The following OR51G1 variants were observed in gnomAD, a reference collection of about 807,000 sequenced individuals.
OR51G1 encodes olfactory receptor 51G1.
For missense variants in OR51G1, 454 were observed against 396.0 expected, an observed-to-expected ratio of 1.15 and a Z score of -1.24; for synonymous variants, 163 against 156.9, an observed-to-expected ratio of 1.04 and a Z score of -0.29.
chr11:4,923,476 A>G lies in OR51G1; in HGVS notation c.864T>C (p.Leu288=), dbSNP rs901603615. The stretch of plus-strand genomic sequence containing the variant: ...TGATGCTGTAGATGATGGGGTTCAT[A>G]AGGGGTGGTACCAGCAGATACACAT... ...MSYVYLLVPP[L]MNPIIYSIKT... is the part of the protein sequence containing the mutation. The change falls in exon 1 of 1, where the codon CTT becomes CTC. Residue 288 remains leucine (L), a synonymous_variant. Coordinates refer to ENST00000623849, the MANE Select transcript of OR51G1 (RefSeq NM_001005237.1). 9 of 1,613,772 alleles carry G rather than the reference A, an allele frequency of 5.6e-6. No individual in the cohort carries two copies. The highest frequency in any genetic ancestry group is 7.6e-6 in the Non-Finnish European group (9 of 1,179,792).
Position 4,924,299 on chromosome 11 carries a change from A to T in OR51G1, c.41T>A (p.Phe14Tyr), listed in dbSNP as rs1244824105. The change falls in exon 1 of 1, where the codon TTC (phenylalanine) becomes TAC (tyrosine). Residue 14 changes from phenylalanine to tyrosine, a missense_variant. By Grantham distance (22) the Phe-to-Tyr change is conservative. Coordinates refer to ENST00000623849, the MANE Select transcript of OR51G1 (RefSeq NM_001005237.1). The part of the protein sequence containing the change: ...LLNSSLQRAT[F>Y]FLTGFQGLEG... ...TAGACCTTGGAAGCCCGTCAGGAAG[A>T]AAGTGGCTCTTTGGAGGCTGCTATT... 1 of 1,613,066 alleles carries T rather than the reference A, an allele frequency of 6.2e-7. No individual in the cohort carries two copies.
Position 4,923,740 on chromosome 11 carries a change from A to G in OR51G1, c.600T>C (p.Tyr200=). The stretch of plus-strand genomic sequence containing the variant: ...CGGTGCAGGCCACAACAAAGAGCCC[A>G]TAGATGTGATTGACAATGATGCTAG... The part of the protein sequence containing the change: ...ACSSIIVNHI[Y]GLFVVACTVG... The change falls in exon 1 of 1, where the codon TAT becomes TAC. Residue 200 remains tyrosine, a synonymous_variant. Coordinates refer to ENST00000623849, the MANE Select transcript of OR51G1 (RefSeq NM_001005237.1). 1.9e-6 allele frequency: 3 copies of G among 1,614,100 alleles called. No individual in the cohort carries two copies. Among genetic ancestry groups the G allele is most frequent in the African/African-American group, 1.3e-5 (1 of 75,046 alleles).
chr11:4,923,775 G>T lies in OR51G1; in HGVS notation c.565C>A (p.Leu189Met), dbSNP rs546668814. The change falls in exon 1 of 1, where the codon CTG becomes ATG. Residue 189 changes from leucine (L) to methionine (M), a missense_variant. Transcript: ENST00000623849. ...AYCLHLEIMK[L>M]ACSSIIVNHI... ...TTGACAATGATGCTAGAGCAGGCCAGCTTCATGATCTCCAGGTGAAGACAA... is the reference window on the plus strand; with the variant it reads ...TTGACAATGATGCTAGAGCAGGCCATCTTCATGATCTCCAGGTGAAGACAA... 3 of 1,614,082 alleles carry T rather than the reference G, an allele frequency of 1.9e-6. No homozygotes were observed. The African/African-American group carries it at 4.0e-5, about 22-fold the overall frequency.
In OR51G1 at chr11:4,923,546, C is replaced by A. The variant is rs144368692; in HGVS notation, c.794G>T (p.Arg265Leu). The A allele has an allele frequency of 1.9e-6, 3 of 1,613,936 alleles. No homozygotes were observed. The highest frequency in any genetic ancestry group is 2.5e-6 in the Non-Finnish European group (3 of 1,179,998). The change falls in exon 1 of 1, where the codon CGC becomes CTC. Residue 265 changes from arginine (R) to leucine (L), a missense_variant. Arg to Leu is a moderately radical substitution (Grantham distance 102). Coordinates refer to ENST00000623849, the MANE Select transcript of OR51G1 (RefSeq NM_001005237.1). ...AACGCGGGGCAGATGTTCACCAAAG[C>A]GATGCACAAGAGACAAGCCAATCAT... The part of the protein sequence containing the change: ...IPMIGLSLVH[R>L]FGEHLPRVVH...
chr11:4,924,176 G>T lies in OR51G1; in HGVS notation c.164C>A (p.Ala55Asp). The T allele has an allele frequency of 6.2e-7, 1 of 1,614,186 alleles. No individual in the cohort carries two copies. The highest frequency in any genetic ancestry group is 8.5e-7 in the Non-Finnish European group (1 of 1,180,032). ...LTILHVICTD[A>D]TLHGPMYYFL... Reference sequence around the variant, plus strand: ...ATAGTACATGGGTCCATGGAGAGTGGCATCAGTACAAATGACGTGGAGAAT... The same window carrying T: ...ATAGTACATGGGTCCATGGAGAGTGTCATCAGTACAAATGACGTGGAGAAT... Residue 55 changes from alanine (A) to aspartate (D), a missense_variant, in exon 1 of 1, where the codon GCC becomes GAC. Coordinates refer to ENST00000623849, the MANE Select transcript of OR51G1 (RefSeq NM_001005237.1).
At position 4,923,801 on chromosome 11, in the gene OR51G1, T is replaced by A; in HGVS notation, c.539A>T (p.Tyr180Phe). The A allele has an allele frequency of 1.2e-6, 2 of 1,613,832 alleles. No homozygotes were observed. Among genetic ancestry groups the A allele is most frequent in the Non-Finnish European group, 1.7e-6 (2 of 1,180,004 alleles). The change falls in exon 1 of 1, where the codon TAT becomes TTT. Residue 180 changes from tyrosine to phenylalanine, a missense_variant. Coordinates refer to ENST00000623849, the MANE Select transcript of OR51G1 (RefSeq NM_001005237.1). ...CTTCATGATCTCCAGGTGAAGACAA[T>A]AAGCATGAGCCAGCACATGGGAGTG... Reference protein sequence around the residue: ...YCHSHVLAHAYCLHLEIMKLA... With the variant: ...YCHSHVLAHAFCLHLEIMKLA...
In OR51G1 at chr11:4,923,936, G is replaced by C. The variant is rs1391992230; in HGVS notation, c.404C>G (p.Ser135Cys). The C allele has an allele frequency of 2.5e-6, 4 of 1,614,152 alleles. No homozygotes were observed. The highest frequency in any genetic ancestry group is 3.4e-6 in the Non-Finnish European group (4 of 1,180,030). ...YVAVCNPLHDSTVLTPACIVK... is the reference protein window; with the variant it reads ...YVAVCNPLHDCTVLTPACIVK... Reference sequence around the variant, plus strand: ...AATACATGCAGGTGTCAGGACGGTGGAGTCATGCAGTGGGTTGCAGACGGC... The same window carrying C: ...AATACATGCAGGTGTCAGGACGGTGCAGTCATGCAGTGGGTTGCAGACGGC... Residue 135 changes from serine (S) to cysteine (C), a missense_variant, in exon 1 of 1, where the codon TCC becomes TGC. Physicochemically the swap from Ser to Cys is moderately radical, Grantham distance 112. Transcript: ENST00000623849.
chr11:4,923,818 A>AT lies in OR51G1; in HGVS notation c.521dup (p.His174GlnfsTer20). The AT allele has an allele frequency of 5.0e-6, 8 of 1,614,042 alleles. No homozygotes were observed. Among genetic ancestry groups the AT allele is most frequent in the Non-Finnish European group, 6.8e-6 (8 of 1,180,020 alleles). On this transcript the variant is annotated frameshift_variant, in exon 1 of 1. Coordinates refer to ENST00000623849, the MANE Select transcript of OR51G1 (RefSeq NM_001005237.1). LOFTEE classifies it low-confidence loss of function (END_TRUNC). ...GAAGACAATAAGCATGAGCCAGCAC[A>AT]TGGGAGTGGCAGTATTGGAAGCGCT...
At position 4,924,056 on chromosome 11, in the gene OR51G1, C is replaced by A. The variant is rs746509500; in HGVS notation, c.284G>T (p.Gly95Val). The A allele has an allele frequency of 6.2e-7, 1 of 1,614,050 alleles. No homozygotes were observed. The highest frequency in any genetic ancestry group is 2.2e-5 in the East Asian group (1 of 44,836). ...GAGCTGAGTGAAACAGGCAGGGATG[C>A]CAATCTCTCTGGTATCAAACCAGAA... is the stretch of plus-strand genomic sequence containing the variant. ...GIFWFDTREIGIPACFTQLFF... is the reference protein window; with the variant it reads ...GIFWFDTREIVIPACFTQLFF... The change falls in exon 1 of 1, where the codon GGC (glycine) becomes GTC (valine). Residue 95 changes from glycine (G) to valine (V), a missense_variant. Gly to Val is a moderately radical substitution (Grantham distance 109). Coordinates refer to ENST00000623849, the MANE Select transcript of OR51G1 (RefSeq NM_001005237.1).
chr11:4,923,914 A>C lies in OR51G1; in HGVS notation c.426T>G (p.Cys142Trp), dbSNP rs1488206311. ...CTGAGCTTAGCCCCATCTTGACAAT[A>C]CATGCAGGTGTCAGGACGGTGGAGT... ...LHDSTVLTPACIVKMGLSSVL... is the reference protein window; with the variant it reads ...LHDSTVLTPAWIVKMGLSSVL... The change falls in exon 1 of 1, where the codon TGT (cysteine) becomes TGG (tryptophan). Residue 142 changes from cysteine (C) to tryptophan (W), a missense_variant. Coordinates refer to ENST00000623849, the MANE Select transcript of OR51G1 (RefSeq NM_001005237.1). The C allele has an allele frequency of 3.1e-6, 5 of 1,614,050 alleles. No homozygotes were observed. The highest frequency in any genetic ancestry group is 3.4e-6 in the Non-Finnish European group (4 of 1,180,034).
Position 4,923,557 on chromosome 11 carries a change from A to C in OR51G1, c.783T>G (p.Ser261=), listed in dbSNP as rs768780787. 6.2e-7 allele frequency: 1 copy of C among 1,614,126 alleles called. No individual in the cohort carries two copies. The highest frequency in any genetic ancestry group is 1.1e-5 in the South Asian group (1 of 91,084). ...GATGTTCACCAAAGCGATGCACAAG[A>C]GACAAGCCAATCATGGGGATGTAGA... The part of the protein sequence containing the change: ...LLFYIPMIGL[S]LVHRFGEHLP... Residue 261 remains serine (S), a synonymous_variant, in exon 1 of 1, where the codon TCT becomes TCG. Coordinates refer to ENST00000623849, the MANE Select transcript of OR51G1 (RefSeq NM_001005237.1).
At position 4,923,865 on chromosome 11, in the gene OR51G1, G is replaced by T. The variant is rs528885707; in HGVS notation, c.475C>A (p.Leu159Ile). ...SSVLRSALLILPLPFLLKRFQ... is the reference protein window; with the variant it reads ...SSVLRSALLIIPLPFLLKRFQ... ...CGCTTCAGGAGGAATGGCAAGGGGAGGATGAGGAGAGCACTTCTAAGCACT... is the reference window on the plus strand; with the variant it reads ...CGCTTCAGGAGGAATGGCAAGGGGATGATGAGGAGAGCACTTCTAAGCACT... The change falls in exon 1 of 1, where the codon CTC becomes ATC. Residue 159 changes from leucine (L) to isoleucine (I), a missense_variant. Physicochemically the swap from Leu to Ile is conservative, Grantham distance 5. Transcript: ENST00000623849. The T allele has an allele frequency of 5.9e-5, 96 of 1,614,022 alleles. 1 individual carries two copies. In the South Asian group the frequency reaches 8.0e-4, roughly 13 times the overall value.
Position 4,923,960 on chromosome 11 carries a change from G to C in OR51G1, c.380C>G (p.Ala127Gly). Reference protein sequence around the residue: ...LLSMSIDRYVAVCNPLHDSTV... With the variant: ...LLSMSIDRYVGVCNPLHDSTV... ...GGAGTCATGCAGTGGGTTGCAGACGGCCACGTAGCGGTCAATGGACATGGA... is the reference window on the plus strand; with the variant it reads ...GGAGTCATGCAGTGGGTTGCAGACGCCCACGTAGCGGTCAATGGACATGGA... Residue 127 changes from alanine to glycine, a missense_variant, in exon 1 of 1, where the codon GCC becomes GGC. Ala to Gly is a moderately conservative substitution (Grantham distance 60, BLOSUM62 0). Transcript: ENST00000623849. 11 of 1,614,128 alleles carry C rather than the reference G, an allele frequency of 6.8e-6. No homozygotes were observed. The highest frequency in any genetic ancestry group is 9.3e-6 in the Non-Finnish European group (11 of 1,180,026).
In OR51G1 at chr11:4,923,826, G is replaced by A; in HGVS notation, c.514C>T (p.His172Tyr). The change falls in exon 1 of 1, where the codon CAC becomes TAC. Residue 172 changes from histidine to tyrosine, a missense_variant. Physicochemically the swap from His to Tyr is moderately conservative, Grantham distance 83. Transcript: ENST00000623849. ...PFLLKRFQYC[H>Y]SHVLAHAYCL... ...TAAGCATGAGCCAGCACATGGGAGTGGCAGTATTGGAAGCGCTTCAGGAGG... is the reference window on the plus strand; with the variant it reads ...TAAGCATGAGCCAGCACATGGGAGTAGCAGTATTGGAAGCGCTTCAGGAGG... 2 of 1,613,984 alleles carry A rather than the reference G, an allele frequency of 1.2e-6. No homozygotes were observed. Among genetic ancestry groups the A allele is most frequent in the Non-Finnish European group, 8.5e-7 (1 of 1,180,014 alleles).
chr11:4,923,878 A>G lies in OR51G1; in HGVS notation c.462T>C (p.Ser154=). The change falls in exon 1 of 1, where the codon AGT becomes AGC. Residue 154 remains serine, a synonymous_variant. Coordinates refer to ENST00000623849, the MANE Select transcript of OR51G1 (RefSeq NM_001005237.1). ...ATGGCAAGGGGAGGATGAGGAGAGC[A>G]CTTCTAAGCACTGAGCTTAGCCCCA... ...VKMGLSSVLR[S]ALLILPLPFL... 1 of 1,614,050 alleles carries G rather than the reference A, an allele frequency of 6.2e-7. No individual in the cohort carries two copies. Among genetic ancestry groups the G allele is most frequent in the Non-Finnish European group, 8.5e-7 (1 of 1,180,026 alleles).
rs772539526 is a variant in OR51G1 at position 4,923,465 on chromosome 11, A to G, written c.875T>C (p.Ile292Thr). 29 of 1,613,122 alleles carry G rather than the reference A, an allele frequency of 1.8e-5. No homozygotes were observed. Among genetic ancestry groups the G allele is most frequent in the African/African-American group, 1.3e-5 (1 of 74,874 alleles). Residue 292 changes from isoleucine (I) to threonine (T), a missense_variant, in exon 1 of 1, where the codon ATC becomes ACC. Ile to Thr is a moderately conservative substitution (Grantham distance 89). Coordinates refer to ENST00000623849, the MANE Select transcript of OR51G1 (RefSeq NM_001005237.1). ...YLLVPPLMNPIIYSIKTKQIR... is the reference protein window; with the variant it reads ...YLLVPPLMNPTIYSIKTKQIR... The stretch of plus-strand genomic sequence containing the variant: ...TTGCTTGGTCTTGATGCTGTAGATG[A>G]TGGGGTTCATAAGGGGTGGTACCAG...
rs1215548569 is a variant in OR51G1 at position 4,923,909 on chromosome 11, A to G, written c.431T>C (p.Val144Ala). ...DSTVLTPACI[V>A]KMGLSSVLRS... ...AAGCACTGAGCTTAGCCCCATCTTG[A>G]CAATACATGCAGGTGTCAGGACGGT... is the stretch of plus-strand genomic sequence containing the variant. The change falls in exon 1 of 1, where the codon GTC (valine) becomes GCC (alanine). Residue 144 changes from valine (V) to alanine (A), a missense_variant. Val to Ala is a moderately conservative substitution (Grantham distance 64, BLOSUM62 0). Transcript: ENST00000623849. 6.2e-7 allele frequency: 1 copy of G among 1,614,010 alleles called. No homozygotes were observed. Among genetic ancestry groups the G allele is most frequent in the African/African-American group, 1.3e-5 (1 of 74,930 alleles).
chr11:4,923,480 G>A lies in OR51G1; in HGVS notation c.860C>T (p.Pro287Leu), dbSNP rs776718496. The A allele has an allele frequency of 1.2e-6, 2 of 1,613,954 alleles. No homozygotes were observed. Among genetic ancestry groups the A allele is most frequent in the East Asian group, 2.2e-5 (1 of 44,868 alleles). The change falls in exon 1 of 1, where the codon CCC becomes CTC. Residue 287 changes from proline to leucine, a missense_variant. By Grantham distance (98) the Pro-to-Leu change is moderately conservative. Coordinates refer to ENST00000623849, the MANE Select transcript of OR51G1 (RefSeq NM_001005237.1). The stretch of plus-strand genomic sequence containing the variant: ...GCTGTAGATGATGGGGTTCATAAGG[G>A]GTGGTACCAGCAGATACACATAGGA... ...FMSYVYLLVP[P>L]LMNPIIYSIK... is the part of the protein sequence containing the mutation.
Position 4,923,520 on chromosome 11 carries a change from C to A in OR51G1, c.820G>T (p.Val274Leu), listed in dbSNP as rs1373100381. The A allele has an allele frequency of 1.2e-6, 2 of 1,614,092 alleles. No individual in the cohort carries two copies. Among genetic ancestry groups the A allele is most frequent in the South Asian group, 2.2e-5 (2 of 91,078 alleles). Reference sequence around the variant, plus strand: ...TACACATAGGACATGAAGAGGTGTACAACGCGGGGCAGATGTTCACCAAAG... The same window carrying A: ...TACACATAGGACATGAAGAGGTGTAAAACGCGGGGCAGATGTTCACCAAAG... ...HRFGEHLPRVVHLFMSYVYLL... is the reference protein window; with the variant it reads ...HRFGEHLPRVLHLFMSYVYLL... Residue 274 changes from valine (V) to leucine (L), a missense_variant, in exon 1 of 1, where the codon GTA becomes TTA. Coordinates refer to ENST00000623849, the MANE Select transcript of OR51G1 (RefSeq NM_001005237.1).
Sources: gnomAD v4.1 joint callset for allele counts on GRCh38, gnomAD v4.1.1 for gene constraint, MANE v1.5 for transcripts, NCBI Gene and HGNC (gene_info 2026-07-23, HGNC 2026-07-21) for gene names.